Variants in ZFYVE28 observed in about 807,000 individuals in gnomAD.
ZFYVE28 encodes the protein zinc finger FYVE-type containing 28.
A neutral mutation model predicts 82.1 loss-of-function variants in ZFYVE28; 40 were observed. That is an observed-to-expected ratio of 0.49 (90% CI 0.38 to 0.63). The LOEUF (loss-of-function observed/expected upper bound fraction) is 0.63. ZFYVE28 is among the 30% of genes least tolerant of loss of function. ZFYVE28 has a pLI of 0.00. For synonymous variants in ZFYVE28, 612 were observed against 546.1 expected (o/e 1.12, Z -1.68); for missense variants, 1,321 against 1,242.1 (o/e 1.06, Z -0.96).
At chr4:2,277,578 T>C (rs1006114958) in intron 8 of ZFYVE28, among the ~76,000 whole-genome samples, 16 of 152,180 alleles carry the variant, frequency 1.1e-4, no homozygotes, top group African/African-American at 3.9e-4. Context: ...AAACAATCCT[T>C]AGCCCTTTAC....
At chr4:2,407,015 G>A (rs1209042676) in intron 1 of ZFYVE28, among the ~76,000 whole-genome samples, 3 of 151,910 alleles carry the variant, frequency 2.0e-5, no homozygotes, top group Non-Finnish European at 4.4e-5. Context: ...TGCTGTCCAG[G>A]CATTGCTGTC....
intron 6 of ZFYVE28, among the ~76,000 whole-genome samples, chr4:2,322,602 T>G (rs1204113188): frequency 6.6e-6 from 1 of 152,172 alleles, no homozygotes; most frequent in Non-Finnish European, 1.5e-5. Context: ...TTTTCTTTTT[T>G]CAAATAAATT....
chr4:2,390,662 C>T (rs761293035), intron 1 of ZFYVE28, among the ~76,000 whole-genome samples: 3 of 152,218 alleles, frequency 2.0e-5, no homozygotes, highest in Non-Finnish European at 4.4e-5. Context: ...AAAAAACAAG[C>T]CAAAATATCA....
At chr4:2,328,721 A>G (rs1401167955) in intron 6 of ZFYVE28, 1 of 176,694 alleles carries the variant, frequency 5.7e-6, no homozygotes, top group African/African-American at 2.4e-5. Context: ...CAACATTCAG[A>G]CTGGTATTTT....
chr4:2,289,897 C>T (rs559499761), intron 8 of ZFYVE28, among the ~76,000 whole-genome samples: 44 of 147,350 alleles, frequency 3.0e-4, no homozygotes, highest in Non-Finnish European at 6.0e-4. Flanking sequence ...CCTGAGCCCC[C>T]GATCCTCATC....
intron 1 of ZFYVE28, among the ~76,000 whole-genome samples, chr4:2,390,000 A>G (rs570873066): frequency 0.011 from 1,626 of 152,296 alleles, 45 homozygotes; most frequent in African/African-American, 0.037. Context: ...CGGCCCCCCG[A>G]AGATAGGTCT....
At chr4:2,279,940 G>T (rs1234848123) in intron 8 of ZFYVE28, among the ~76,000 whole-genome samples, 1 of 152,228 alleles carries the variant, frequency 6.6e-6, no homozygotes, top group African/African-American at 2.4e-5. Context: ...TCTTTATGGG[G>T]TGATGAAAAT....
At position 2,335,665 on chromosome 4, in the gene ZFYVE28, G is replaced by C. The variant is rs373919263; in HGVS notation, c.701+40C>G. 6.5e-6 allele frequency: 10 copies of C among 1,542,402 alleles called. No individual in the cohort carries two copies. The highest frequency in any genetic ancestry group is 3.9e-5 in the Admixed American group (2 of 51,114). ...TGGCACCATCAGCCCTGCCCGTCCCGCAGGTTTCTGCAGAGGTCCTGGGCA... is the reference window on the plus strand; with the variant it reads ...TGGCACCATCAGCCCTGCCCGTCCCCCAGGTTTCTGCAGAGGTCCTGGGCA... On this transcript the variant is annotated intron_variant, in intron 6 of 12. Coordinates refer to ENST00000290974, the MANE Select transcript of ZFYVE28 (RefSeq NM_020972.3). The surrounding 1 kb of genome is among the most constrained non-coding windows in gnomAD (Gnocchi z 5.8).
chr4:2,297,947 C>A (rs1485928284), intron 8 of ZFYVE28, among the ~76,000 whole-genome samples: 1 of 134,020 alleles, frequency 7.5e-6, no homozygotes, highest in Admixed American at 7.8e-5. Context: ...AGAGGACGAG[C>A]AGTGACAGTG....
At chr4:2,340,211 G>A (rs1238981144) in intron 3 of ZFYVE28, among the ~76,000 whole-genome samples, 1 of 152,132 alleles carries the variant, frequency 6.6e-6, no homozygotes, top group African/African-American at 2.4e-5. Flanking sequence ...AACCTTCCCC[G>A]GAACGCAGAC....
chr4:2,386,976 G>A (rs939990519), intron 1 of ZFYVE28, among the ~76,000 whole-genome samples: 32 of 152,250 alleles, frequency 2.1e-4, no homozygotes, highest in Non-Finnish European at 4.1e-4. Context: ...CAGGTAGCAC[G>A]GGCAGTAGGG....
At chr4:2,280,503 C>A (rs903081957) in intron 8 of ZFYVE28, among the ~76,000 whole-genome samples, 1 of 152,122 alleles carries the variant, frequency 6.6e-6, no homozygotes, top group Non-Finnish European at 1.5e-5. Flanking sequence ...ACGAGCAAGA[C>A]CCTGTCTCTT....
At chr4:2,361,290 G>C (rs139359808) in intron 1 of ZFYVE28, among the ~76,000 whole-genome samples, 2,031 of 152,310 alleles carry the variant, frequency 0.013, 20 homozygotes, top group Middle Eastern at 0.034. Flanking sequence ...AAAAATACAA[G>C]GATGGACTGA....
At chr4:2,331,100 GGGGA>G in intron 6 of ZFYVE28, 2 of 452,524 alleles carry the variant, frequency 4.4e-6, no homozygotes, top group Non-Finnish European at 3.3e-6. Flanking sequence ...GGAGGGGGCT[GGGGA>G]GGGAGGGAGG....
chr4:2,297,299 A>G (rs1714734568), intron 8 of ZFYVE28, among the ~76,000 whole-genome samples: 1 of 152,210 alleles, frequency 6.6e-6, no homozygotes, highest in Admixed American at 6.5e-5. Context: ...GAGGGTCAGC[A>G]GGCCCGGGAG....
chr4:2,401,567 C>T (rs1481990532), intron 1 of ZFYVE28, among the ~76,000 whole-genome samples: 1 of 152,118 alleles, frequency 6.6e-6, no homozygotes, highest in East Asian at 1.9e-4. Flanking sequence ...CTCCTTCTGG[C>T]TCTGTGAGTT....
In ZFYVE28 at chr4:2,320,637, G is replaced by A. The variant is rs1718939560; in HGVS notation, c.702-366C>T. ...GCAAGTAATAAAAACTGGATTTGTGGTTAAATTTATCTGCAGAGCTTTATG... is the reference window on the plus strand; with the variant it reads ...GCAAGTAATAAAAACTGGATTTGTGATTAAATTTATCTGCAGAGCTTTATG... On this transcript the variant is annotated intron_variant, in intron 6 of 12. Coordinates refer to ENST00000290974, the MANE Select transcript of ZFYVE28 (RefSeq NM_020972.3). The surrounding 1 kb of genome is among the most constrained non-coding windows in gnomAD (Gnocchi z 5.1). 6.6e-6 allele frequency among the ~76,000 whole-genome samples: 1 copy of A among 152,204 alleles called. No homozygotes were observed. The highest frequency in any genetic ancestry group is 6.5e-5 in the Admixed American group (1 of 15,288).
intron 6 of ZFYVE28, among the ~76,000 whole-genome samples, chr4:2,326,708 T>G (rs903959200): frequency 4.6e-5 from 7 of 152,230 alleles, no homozygotes; most frequent in African/African-American, 1.4e-4. Context: ...ATTGATTTCA[T>G]TGATGTTTTA....
intron 1 of ZFYVE28, among the ~76,000 whole-genome samples, chr4:2,402,642 G>A (rs977572427): frequency 5.9e-5 from 9 of 152,200 alleles, no homozygotes; most frequent in Non-Finnish European, 1.2e-4. Flanking sequence ...GCGGTAGACA[G>A]TCGCACAACA....
Sources: allele counts gnomAD v4.1 joint callset (sites outside exome capture counted in the v4.1 genomes callset), GRCh38; gene constraint gnomAD v4.1.1; non-coding constraint Gnocchi (gnomAD v3.1); transcripts MANE v1.5; gene names NCBI Gene and HGNC (gene_info 2026-07-23, HGNC 2026-07-21).